Variants in PLEKHM1 observed in about 807,000 individuals in gnomAD.
The protein encoded by PLEKHM1 is pleckstrin homology and RUN domain containing M1.
Under a neutral mutation model 94.3 loss-of-function variants are expected in PLEKHM1, and 28 were observed. The ratio of observed to expected loss-of-function variants is 0.30; its 90% CI spans 0.22 to 0.41. The LOEUF is 0.41. Ranked by LOEUF, PLEKHM1 falls within the 10% of genes least tolerant of loss-of-function variation. The pLI, the probability that PLEKHM1 is intolerant of heterozygous loss-of-function variation, is 1.00. For missense variants in PLEKHM1, 907 were observed against 1,358.6 expected, an observed-to-expected ratio of 0.67 and a Z score of 5.22; for synonymous variants, 424 against 581.2, an observed-to-expected ratio of 0.73 and a Z score of 3.89.
In PLEKHM1 at chr17:45,489,597, C is replaced by T. The variant is rs1236607128; in HGVS notation, c.-42+1055G>A. On this transcript the variant is annotated intron_variant, in intron 1 of 11. Transcript: ENST00000430334. ...AATCCCTGAGGACAGGTGCAGGAGA[C>T]CAGATGCCAGGAAAAACCCCGGCCC... 3.3e-5 allele frequency among the ~76,000 whole-genome samples: 5 copies of T among 152,228 alleles called. No individual in the cohort carries two copies. In the East Asian group the frequency reaches 7.7e-4, roughly 24 times the overall value.
chr17:45,438,158 A>T (rs2050327944), intron 11 of PLEKHM1, among the ~76,000 whole-genome samples, 189 bp from the exon 12 acceptor site: 1 of 152,256 alleles, frequency 6.6e-6, no homozygotes, highest in Non-Finnish European at 1.5e-5. Context: ...TACGTCACAC[A>T]ATGCACACTG....
chr17:45,481,123 T>G (rs1161310658), intron 2 of PLEKHM1, among the ~76,000 whole-genome samples: 1 of 152,198 alleles, frequency 6.6e-6, no homozygotes, highest in Non-Finnish European at 1.5e-5. Flanking sequence ...TGAAGTAGTA[T>G]CTCACTGTGG....
chr17:45,478,106 C>T lies in PLEKHM1; in HGVS notation c.90G>A (p.Gln30=), dbSNP rs2868647. The T allele has an allele frequency of 4.3e-6, 7 of 1,614,256 alleles. No homozygotes were observed. Among genetic ancestry groups the T allele is most frequent in the Non-Finnish European group, 5.9e-6 (7 of 1,180,054 alleles). ...CCGTGTCCAGGGACACGTACTGCTT[C>T]TGCAAGGCCTTCACGGATCCCACCA... ...KKLVGSVKAL[Q]KQYVSLDTVV... The change falls in exon 3 of 12, where the codon CAG becomes CAA. Residue 30 remains glutamine, a synonymous_variant. Coordinates refer to ENST00000430334, the MANE Select transcript of PLEKHM1 (RefSeq NM_014798.3).
rs879837627 is a variant in PLEKHM1 at position 45,436,897 on chromosome 17, G to A, written c.*961C>T. 27 of 451,222 alleles carry A rather than the reference G, an allele frequency of 6.0e-5. No individual in the cohort carries two copies. Among genetic ancestry groups the A allele is most frequent in the South Asian group, 1.1e-4 (7 of 64,452 alleles). The allele number at this position is 451,222 out of a possible 1,614,324, so 28.0% of individuals were successfully genotyped here. On this transcript the variant is annotated 3_prime_UTR_variant, in exon 12 of 12. Coordinates refer to ENST00000430334, the MANE Select transcript of PLEKHM1 (RefSeq NM_014798.3). Reference sequence around the variant, plus strand: ...CCTCTCTGGGGTCCTGCCTATCTGTGCCCTGGCAGGGGTCAGTCAGGCAGA... The same window carrying A: ...CCTCTCTGGGGTCCTGCCTATCTGTACCCTGGCAGGGGTCAGTCAGGCAGA...
intron 1 of PLEKHM1, among the ~76,000 whole-genome samples, chr17:45,484,765 G>A (rs1454844208): frequency 2.0e-5 from 3 of 152,122 alleles, no homozygotes; most frequent in Non-Finnish European, 4.4e-5. Flanking sequence ...AGACCCTTTC[G>A]CTGGGGGCCG....
Position 45,455,313 on chromosome 17 carries a change from C to G in PLEKHM1, c.1580-1041G>C, listed in dbSNP as rs139618099. ...CCCCCACCCTTCTATCTCTCTGGCT[C>G]GGTCCTCCCTGTGGCCTCTCACGTT... On this transcript the variant is annotated intron_variant, in intron 6 of 11. Coordinates refer to ENST00000430334, the MANE Select transcript of PLEKHM1 (RefSeq NM_014798.3). 2.0e-5 allele frequency among the ~76,000 whole-genome samples: 3 copies of G among 152,090 alleles called. No homozygotes were observed. In the South Asian group the frequency reaches 6.2e-4, roughly 32 times the overall value.
intron 4 of PLEKHM1, among the ~76,000 whole-genome samples, chr17:45,472,431 T>C (rs1387062936): frequency 1.3e-5 from 2 of 152,182 alleles, no homozygotes; most frequent in African/African-American, 4.8e-5. Flanking sequence ...GACCTTAAGC[T>C]GGAATTTTCC....
At chr17:45,488,237 G>A (rs1289449566) in intron 1 of PLEKHM1, among the ~76,000 whole-genome samples, 1 of 152,028 alleles carries the variant, frequency 6.6e-6, no homozygotes, top group African/African-American at 2.4e-5. Flanking sequence ...CAGCTTTCCT[G>A]TATTCTTGTC....
chr17:45,472,081 T>G (rs1427199858), intron 4 of PLEKHM1, among the ~76,000 whole-genome samples: 1 of 152,260 alleles, frequency 6.6e-6, no homozygotes, highest in Admixed American at 6.5e-5. Flanking sequence ...TTTATATGTG[T>G]AATGATAAGC....
intron 1 of PLEKHM1, among the ~76,000 whole-genome samples, chr17:45,485,736 T>TA (rs555791249): frequency 0.019 from 2,413 of 129,646 alleles, 69 homozygotes; most frequent in African/African-American, 0.065. Flanking sequence ...TATCTCTAAT[T>TA]AAAAAAAAAA....
intron 2 of PLEKHM1, among the ~76,000 whole-genome samples, chr17:45,482,018 A>G (rs1675214292): frequency 6.6e-6 from 1 of 152,084 alleles, no homozygotes; most frequent in Non-Finnish European, 1.5e-5. Flanking sequence ...CTGCTCACAA[A>G]TAATTACATT....
Position 45,477,963 on chromosome 17 carries a change from C to T in PLEKHM1, c.233G>A (p.Ser78Asn), listed in dbSNP as rs1255791101. 6.2e-7 allele frequency: 1 copy of T among 1,613,978 alleles called. No individual in the cohort carries two copies. Among genetic ancestry groups the T allele is most frequent in the Admixed American group, 1.7e-5 (1 of 59,968 alleles). The change falls in exon 3 of 12, where the codon AGT (serine) becomes AAT (asparagine). Residue 78 changes from serine (S) to asparagine (N), a missense_variant. Physicochemically the swap from Ser to Asn is conservative, Grantham distance 46. Around this residue, in one of 3 missense-constraint regions of PLEKHM1, gnomAD observed 176 missense variants for 306.0 expected, o/e 0.58. Transcript: ENST00000430334. ...RAEAGGKRKKSAHQKPLPQPV... is the reference protein window; with the variant it reads ...RAEAGGKRKKNAHQKPLPQPV... The stretch of plus-strand genomic sequence containing the variant: ...CTGGGGCAGAGGCTTCTGGTGGGCA[C>T]TTTTCTTCCTTTTTCCTCCGGCCTC...
Position 45,482,850 on chromosome 17 carries a change from G to T in PLEKHM1, c.-41-325C>A, listed in dbSNP as rs190094918. Among the ~76,000 whole-genome samples, 29 of 151,936 alleles carry T rather than the reference G, an allele frequency of 1.9e-4. No individual in the cohort carries two copies. The East Asian group carries it at 3.3e-3, about 17-fold the overall frequency. On this transcript the variant is annotated intron_variant, in intron 1 of 11. Coordinates refer to ENST00000430334, the MANE Select transcript of PLEKHM1 (RefSeq NM_014798.3). ...GGATTGAAACCTGTAGGCAGGGAAC[G>T]ACAGGCTGATTCAGATACGGAGCTG...
At chr17:45,487,806 G>C (rs754808854) in intron 1 of PLEKHM1, 1 of 456,090 alleles carries the variant, frequency 2.2e-6, no homozygotes, top group South Asian at 1.5e-5. Context: ...CTCTTCTCTT[G>C]AGGGACTCCT....
At chr17:45,488,937 GAAAA>G (rs1217883195) in intron 1 of PLEKHM1, among the ~76,000 whole-genome samples, 1 of 151,858 alleles carries the variant, frequency 6.6e-6, no homozygotes, top group Non-Finnish European at 1.5e-5. Flanking sequence ...AAACTCCGTC[GAAAA>G]AAAGAAAGAA....
intron 11 of PLEKHM1, among the ~76,000 whole-genome samples, chr17:45,438,578 T>C (rs1329994251): frequency 6.6e-6 from 1 of 151,774 alleles, no homozygotes; most frequent in East Asian, 2.0e-4. Context: ...TATTTATTTT[T>C]CAGAGTCTTG....
rs1473627039 is a variant in PLEKHM1 at position 45,445,568 on chromosome 17, C to T, written c.2739G>A (p.Glu913=). The T allele has an allele frequency of 8.7e-6, 14 of 1,613,840 alleles. No homozygotes were observed. Among genetic ancestry groups the T allele is most frequent in the Non-Finnish European group, 1.2e-5 (14 of 1,179,852 alleles). Residue 913 remains glutamate (E), a synonymous_variant, in exon 9 of 12, where the codon GAG becomes GAA. Coordinates refer to ENST00000430334, the MANE Select transcript of PLEKHM1 (RefSeq NM_014798.3). The surrounding 1 kb of genome is among the most constrained non-coding windows in gnomAD (Gnocchi z 4.2). ...MVNASLYEHV[E]RMHLIGRRRE... is the part of the protein sequence containing the mutation. Reference sequence around the variant, plus strand: ...GTCTCCTCCCAATGAGGTGCATCCGCTCCACATGCTCGTACAGAGACGCGT... The same window carrying T: ...GTCTCCTCCCAATGAGGTGCATCCGTTCCACATGCTCGTACAGAGACGCGT...
At position 45,458,424 on chromosome 17, in the gene PLEKHM1, T is replaced by G. The variant is rs754693531; in HGVS notation, c.1324A>C (p.Ile442Leu). Residue 442 changes from isoleucine (I) to leucine (L), a missense_variant, in exon 6 of 12, where the codon ATC (isoleucine) becomes CTC (leucine). Coordinates refer to ENST00000430334, the MANE Select transcript of PLEKHM1 (RefSeq NM_014798.3). ...SPTSPKNKSW[I>L]SEDDFYRPSR... ...GGCCGGTAGAAGTCATCCTCTGAGA[T>G]CCAGCTCTTGTTTTTCTGTTGGGAA... 1 of 1,613,674 alleles carries G rather than the reference T, an allele frequency of 6.2e-7. No individual in the cohort carries two copies. Among genetic ancestry groups the G allele is most frequent in the East Asian group, 2.2e-5 (1 of 44,890 alleles).
In PLEKHM1 at chr17:45,453,956, C is replaced by T. The variant is rs1358627386; in HGVS notation, c.1896G>A (p.Glu632=). ...EALQKVRPQQ[E]DEWVNVQYPD... ...GGTACTGCACGTTCACCCACTCATC[C>T]TCCTGCTGAGGCCGGACCTTCTGCA... The change falls in exon 7 of 12, where the codon GAG becomes GAA. Residue 632 remains glutamate, a synonymous_variant. Coordinates refer to ENST00000430334, the MANE Select transcript of PLEKHM1 (RefSeq NM_014798.3). The surrounding 1 kb of genome is among the most constrained non-coding windows in gnomAD (Gnocchi z 4.1). 9 of 1,613,944 alleles carry T rather than the reference C, an allele frequency of 5.6e-6. No homozygotes were observed. Among genetic ancestry groups the T allele is most frequent in the Non-Finnish European group, 7.6e-6 (9 of 1,179,834 alleles).
Sources: gnomAD v4.1 joint callset for allele counts (sites outside exome capture counted in the v4.1 genomes callset) on GRCh38, gnomAD v4.1.1 for gene constraint, gnomAD v4.1.1 regional missense constraint, Gnocchi (gnomAD v3.1) non-coding constraint, MANE v1.5 for transcripts, NCBI Gene and HGNC (gene_info 2026-07-23, HGNC 2026-07-21) for gene names.